Variants in COQ9 observed in about 807,000 individuals in gnomAD.
The protein encoded by COQ9 is ubiquinone biosynthesis protein COQ9, mitochondrial.
COQ9 carries 35 observed loss-of-function variants against 42.4 expected under a neutral mutation model. The observed-to-expected ratio is 0.83, with a 90% confidence interval of 0.63 to 1.10. COQ9 has a LOEUF of 1.10. COQ9 is among the 50% of genes least tolerant of loss of function. The pLI, the probability that COQ9 is intolerant of heterozygous loss-of-function variation, is 0.00. For synonymous variants in COQ9, 155 were observed against 155.1 expected (o/e 1.00, Z 0.00); for missense variants, 406 against 414.6 (o/e 0.98, Z 0.18).
chr16:57,448,269 T>TA (rs2146582647), intron 1 of COQ9, among the ~76,000 whole-genome samples: 1 of 152,330 alleles, frequency 6.6e-6, no homozygotes, highest in Non-Finnish European at 1.5e-5. Context: ...GTTTTGCGGA[T>TA]ATTTGTGCCG....
In COQ9 at chr16:57,460,009, T is replaced by C. The variant is rs371445234; in HGVS notation, c.868-42T>C. 12 of 1,599,984 alleles carry C rather than the reference T, an allele frequency of 7.5e-6. No individual in the cohort carries two copies. In the Middle Eastern group the frequency reaches 5.2e-4, roughly 70 times the overall value. The stretch of plus-strand genomic sequence containing the variant: ...GTCCTGCCTGTCTCAAGTTTAACTT[T>C]GTGTTGGTGGCCTAAGGGAACCTGA... On this transcript the variant is annotated intron_variant, in intron 7 of 8. Coordinates refer to ENST00000262507, the MANE Select transcript of COQ9 (RefSeq NM_020312.4).
In COQ9 at chr16:57,460,594, G is replaced by T; in HGVS notation, c.927G>T (p.Lys309Asn). 6.2e-7 allele frequency: 1 copy of T among 1,614,074 alleles called. No individual in the cohort carries two copies. Among genetic ancestry groups the T allele is most frequent in the Non-Finnish European group, 8.5e-7 (1 of 1,179,942 alleles). The change falls in exon 9 of 9, where the codon AAG becomes AAT. Residue 309 changes from lysine to asparagine, a missense_variant. Lys to Asn is a moderately conservative substitution (Grantham distance 94). Transcript: ENST00000262507. ...QGLMGAAVTLKNLTGLNQRR is the reference protein window; with the variant it reads ...QGLMGAAVTLNNLTGLNQRR Reference sequence around the variant, plus strand: ...TATTTCCATTCCCGTGTCAGCTCAAGAACTTGACAGGTCTAAACCAGCGTC... The same window carrying T: ...TATTTCCATTCCCGTGTCAGCTCAATAACTTGACAGGTCTAAACCAGCGTC...
At chr16:57,452,392 A>T (rs1274934004) in intron 2 of COQ9, among the ~76,000 whole-genome samples, 1 of 152,248 alleles carries the variant, frequency 6.6e-6, no homozygotes, top group African/African-American at 2.4e-5. Flanking sequence ...CTATAATCCC[A>T]GCGCTTTGGG....
At chr16:57,453,305 A>T in intron 3 of COQ9, 1 of 329,960 alleles carries the variant, frequency 3.0e-6, no homozygotes, top group South Asian at 2.9e-5. Context: ...CACTTCTGTG[A>T]TTCACACTGA....
chr16:57,450,153 G>A (rs1197222742), intron 1 of COQ9, among the ~76,000 whole-genome samples: 4 of 152,182 alleles, frequency 2.6e-5, no homozygotes, highest in East Asian at 1.9e-4. Context: ...GATGGCTCAC[G>A]CCTGTAATCC....
chr16:57,458,268 C>A lies in COQ9; in HGVS notation c.629C>A (p.Pro210His). 6.2e-7 allele frequency: 1 copy of A among 1,612,016 alleles called. No homozygotes were observed. The highest frequency in any genetic ancestry group is 1.1e-5 in the South Asian group (1 of 90,376). ...WPRALSILML[P>H]HNIPSSLSLL... ...CAGGCCCTCAGCATCCTCATGCTCC[C>A]TCACAACATCCCGTCCAGCCTGAGC... Residue 210 changes from proline (P) to histidine (H), a missense_variant, in exon 6 of 9, where the codon CCT (proline) becomes CAT (histidine). Pro to His is a moderately conservative substitution (Grantham distance 77, BLOSUM62 -2). Transcript: ENST00000262507.
At position 57,452,377 on chromosome 16, in the gene COQ9, C is replaced by T. The variant is rs1325645710; in HGVS notation, c.243-424C>T. ...TTGATACTGGCTGGGCGCGGTGGCTCGCGCCTATAATCCCAGCGCTTTGGG... is the reference window on the plus strand; with the variant it reads ...TTGATACTGGCTGGGCGCGGTGGCTTGCGCCTATAATCCCAGCGCTTTGGG... On this transcript the variant is annotated intron_variant, in intron 2 of 8. Coordinates refer to ENST00000262507, the MANE Select transcript of COQ9 (RefSeq NM_020312.4). Among the ~76,000 whole-genome samples the T allele has an allele frequency of 5.3e-5, 8 of 152,336 alleles. No individual in the cohort carries two copies. The East Asian group carries it at 5.8e-4, about 11-fold the overall frequency.
chr16:57,451,243 T>C (rs1567578147), intron 2 of COQ9, 35 bp downstream of exon 2: 1 of 1,593,954 alleles, frequency 6.3e-7, no homozygotes, highest in Non-Finnish European at 8.6e-7. Context: ...GGCCACTTCA[T>C]ATGCTTCATT....
Position 57,460,614 on chromosome 16 carries a change from A to G in COQ9, c.947A>G (p.Gln316Arg), listed in dbSNP as rs1440415087. The change falls in exon 9 of 9, where the codon CAG becomes CGG. Residue 316 changes from glutamine to arginine, a missense_variant. Physicochemically the swap from Gln to Arg is conservative, Grantham distance 43 (BLOSUM62 1). Transcript: ENST00000262507. ...VTLKNLTGLN[Q>R]RR The stretch of plus-strand genomic sequence containing the variant: ...CTCAAGAACTTGACAGGTCTAAACC[A>G]GCGTCGGTGAGAGGAAGGGGTATAA... 1.2e-6 allele frequency: 2 copies of G among 1,614,010 alleles called. No homozygotes were observed. The highest frequency in any genetic ancestry group is 4.5e-5 in the East Asian group (2 of 44,888).
At chr16:57,454,902 A>C (rs112374836) in intron 3 of COQ9, among the ~76,000 whole-genome samples, 124 of 152,324 alleles carry the variant, frequency 8.1e-4, no homozygotes, top group African/African-American at 2.9e-3. Flanking sequence ...GTCGAGGTCA[A>C]ATCAGGCAAG....
intron 1 of COQ9, among the ~76,000 whole-genome samples, chr16:57,448,953 G>T (rs576294566): frequency 6.6e-6 from 1 of 152,240 alleles, no homozygotes; most frequent in Non-Finnish European, 1.5e-5. Flanking sequence ...CAGTCAAAGA[G>T]AAAGCTGGAC....
At position 57,458,300 on chromosome 16, in the gene COQ9, A is replaced by G; in HGVS notation, c.661A>G (p.Thr221Ala). Residue 221 changes from threonine to alanine, a missense_variant, in exon 6 of 9, where the codon ACC becomes GCC. Thr to Ala is a moderately conservative substitution (Grantham distance 58, BLOSUM62 0). Coordinates refer to ENST00000262507, the MANE Select transcript of COQ9 (RefSeq NM_020312.4). ...CATCCCGTCCAGCCTGAGCCTGCTCACCAGCATGGTGGATGACATGTGGCA... is the reference window on the plus strand; with the variant it reads ...CATCCCGTCCAGCCTGAGCCTGCTCGCCAGCATGGTGGATGACATGTGGCA... ...HNIPSSLSLLTSMVDDMWHYA... is the reference protein window; with the variant it reads ...HNIPSSLSLLASMVDDMWHYA... 2 of 1,613,104 alleles carry G rather than the reference A, an allele frequency of 1.2e-6. No homozygotes were observed. The highest frequency in any genetic ancestry group is 1.3e-5 in the African/African-American group (1 of 75,006).
chr16:57,452,345 T>G (rs1478638166), intron 2 of COQ9, among the ~76,000 whole-genome samples: 1 of 152,212 alleles, frequency 6.6e-6, no homozygotes, highest in African/African-American at 2.4e-5. Context: ...CTGTTGGCAT[T>G]AAAACGTTGA....
At chr16:57,456,299 C>T (rs974716989) in intron 3 of COQ9, 35 of 597,290 alleles carry the variant, frequency 5.9e-5, no homozygotes, top group Non-Finnish European at 9.7e-5. Context: ...ACTTGTTATT[C>T]AAGCCTAGAT....
Position 57,460,825 on chromosome 16 carries a change from GTTCCTAAT to G in COQ9, c.*202_*209del. 1 of 597,944 alleles carries G rather than the reference GTTCCTAAT, an allele frequency of 1.7e-6. No individual in the cohort carries two copies. Among genetic ancestry groups the G allele is most frequent in the South Asian group, 1.9e-5 (1 of 52,116 alleles). 37.0% of individuals were successfully genotyped at this position (597,944 alleles called of 1,614,324 possible). A position where few individuals can be genotyped will look rare whatever the true frequency, so the allele number is the denominator to read the frequency against. The stretch of plus-strand genomic sequence containing the variant: ...GGTCAGGGATTGGGCTGCTTCTTCA[GTTCCTAAT>G]ACCAGACCAAGCCTCCTGATGCCTT... On this transcript the variant is annotated 3_prime_UTR_variant, in exon 9 of 9. Coordinates refer to ENST00000262507, the MANE Select transcript of COQ9 (RefSeq NM_020312.4).
At chr16:57,448,092 G>C (rs2030175031) in intron 1 of COQ9, among the ~76,000 whole-genome samples, 1 of 152,092 alleles carries the variant, frequency 6.6e-6, no homozygotes, top group Admixed American at 6.5e-5. Context: ...TTATATCATT[G>C]TCATAAATGG....
chr16:57,459,486 C>G lies in COQ9; in HGVS notation c.712-79C>G, dbSNP rs1042312082. On this transcript the variant is annotated intron_variant, in intron 6 of 8. Transcript: ENST00000262507. ...AGTCAAGAAGTAGTCAAGAGGGAAC[C>G]CAGGAGTTCCCATGGCCTTGGGTAG... is the stretch of plus-strand genomic sequence containing the variant. 7.5e-6 allele frequency: 11 copies of G among 1,463,818 alleles called. No individual in the cohort carries two copies. In the Admixed American group the frequency reaches 1.8e-4, roughly 25 times the overall value. The allele number at this position is 1,463,818 out of a possible 1,614,324, so 90.7% of individuals were successfully genotyped here.
At chr16:57,457,102 C>T (rs2030422988) in intron 5 of COQ9, 87 bp downstream of exon 5, 1 of 992,050 alleles carries the variant, frequency 1.0e-6, no homozygotes, top group Non-Finnish European at 1.6e-6. Flanking sequence ...ACTTTGTACA[C>T]TGTTCAGAAC....
rs76915829 is a variant in COQ9 at position 57,456,900 on chromosome 16, G to C, written c.522-31G>C. On this transcript the variant is annotated intron_variant, in intron 4 of 8. Coordinates refer to ENST00000262507, the MANE Select transcript of COQ9 (RefSeq NM_020312.4). ...GCACTGAGCCCCTGCCTTTCACTCA[G>C]AGACACACTGTTTTCTTTTCCCTCT... is the stretch of plus-strand genomic sequence containing the variant. The C allele has an allele frequency of 1.0e-4, 165 of 1,589,882 alleles. No homozygotes were observed. The East Asian group carries it at 3.6e-3, about 35-fold the overall frequency.
Sources: allele counts gnomAD v4.1 joint callset (sites outside exome capture counted in the v4.1 genomes callset), GRCh38; gene constraint gnomAD v4.1.1; transcripts MANE v1.5; gene names NCBI Gene and HGNC (gene_info 2026-07-23, HGNC 2026-07-21).